Variants in SYT14 observed in about 807,000 individuals in gnomAD.
The protein encoded by SYT14 is synaptotagmin 14, also known as synaptotagmin-14.
A neutral mutation model predicts 74.2 loss-of-function variants in SYT14; 32 were observed. The ratio of observed to expected loss-of-function variants is 0.43; its 90% CI spans 0.33 to 0.58. SYT14 has a LOEUF of 0.58. SYT14 is among the 20% of genes least tolerant of loss of function. The probability of loss-of-function intolerance (pLI) is 0.05; values close to 1 mark genes in which losing one functional copy is unlikely to be tolerated. For missense variants in SYT14, 791 were observed against 981.8 expected, an observed-to-expected ratio of 0.81 and a Z score of 2.60; for synonymous variants, 298 against 337.7, an observed-to-expected ratio of 0.88 and a Z score of 1.29.
chr1:210,000,466 G>GCACACACACACACACACACACACA (rs375046637), intron 2 of SYT14, among the ~76,000 whole-genome samples: 3 of 143,102 alleles, frequency 2.1e-5, no homozygotes, highest in African/African-American at 7.9e-5. Context: ...GTCCTCATAC[G>GCACACACACACACACACACACACA]CACACACACA....
chr1:209,997,776 C>G (rs562467656), intron 2 of SYT14, among the ~76,000 whole-genome samples: 1 of 152,020 alleles, frequency 6.6e-6, no homozygotes, highest in South Asian at 2.1e-4. Context: ...ATGTAACAGG[C>G]CTGTATATGT....
chr1:210,004,735 T>G (rs569336829), intron 2 of SYT14, among the ~76,000 whole-genome samples: 1 of 152,136 alleles, frequency 6.6e-6, no homozygotes, highest in African/African-American at 2.4e-5. Flanking sequence ...GCGATGCTTG[T>G]TCAGAGGTTA....
intron 2 of SYT14, among the ~76,000 whole-genome samples, chr1:210,008,299 T>C (rs745986224): frequency 2.0e-5 from 3 of 152,346 alleles, no homozygotes; most frequent in Admixed American, 2.0e-4. Flanking sequence ...ATTGACTGTA[T>C]TCAACAAATT....
At chr1:210,060,954 A>C (rs534224439) in intron 5 of SYT14, among the ~76,000 whole-genome samples, 86 of 152,070 alleles carry the variant, frequency 5.7e-4, no homozygotes, top group Admixed American at 1.8e-3. Flanking sequence ...TGATTTATCT[A>C]CTCTGTCATC....
At chr1:209,977,772 G>A (rs1272371342) in intron 2 of SYT14, among the ~76,000 whole-genome samples, 1 of 152,198 alleles carries the variant, frequency 6.6e-6, no homozygotes, top group Non-Finnish European at 1.5e-5. Flanking sequence ...GTTTGGGAAA[G>A]TTCTCTTGGA....
At chr1:209,980,044 C>G (rs2079452943) in intron 2 of SYT14, among the ~76,000 whole-genome samples, 1 of 152,218 alleles carries the variant, frequency 6.6e-6, no homozygotes, top group Non-Finnish European at 1.5e-5. Flanking sequence ...TTGTCTTCCA[C>G]AATAGTTGAA....
chr1:209,957,570 G>A (rs375667952), intron 2 of SYT14, among the ~76,000 whole-genome samples: 1 of 152,002 alleles, frequency 6.6e-6, no homozygotes, highest in Non-Finnish European at 1.5e-5. Context: ...GGGATTACAG[G>A]CATGCACCAC....
chr1:210,146,551 C>G (rs577953087), intron 7 of SYT14, among the ~76,000 whole-genome samples: 126 of 151,914 alleles, frequency 8.3e-4, no homozygotes, highest in Non-Finnish European at 1.6e-3. Context: ...GATACAGAGT[C>G]TTTACTATTT....
At chr1:210,105,793 G>A (rs2082146863) in intron 7 of SYT14, among the ~76,000 whole-genome samples, 2 of 152,098 alleles carry the variant, frequency 1.3e-5, no homozygotes, top group Admixed American at 1.3e-4. Context: ...CCGTCCTCAC[G>A]ATAGTAAATT....
chr1:210,027,321 G>A (rs906831563), intron 5 of SYT14, among the ~76,000 whole-genome samples: 3 of 151,692 alleles, frequency 2.0e-5, no homozygotes, highest in Admixed American at 6.6e-5. Flanking sequence ...ATGCCAAGTC[G>A]GGAGGACCAC....
chr1:210,158,457 A>T (rs1553291152), intron 8 of SYT14, among the ~76,000 whole-genome samples: 1 of 152,152 alleles, frequency 6.6e-6, no homozygotes. Flanking sequence ...AATTTACTAC[A>T]TTTTTTTGAC....
chr1:209,993,482 C>A (rs1461394596), intron 2 of SYT14, among the ~76,000 whole-genome samples: 1 of 152,242 alleles, frequency 6.6e-6, no homozygotes, highest in Non-Finnish European at 1.5e-5. Flanking sequence ...CAGCCAAGAT[C>A]TGTGGCCAGC....
chr1:209,960,890 TGA>T (rs904378802), intron 2 of SYT14, among the ~76,000 whole-genome samples: 11 of 152,096 alleles, frequency 7.2e-5, no homozygotes, highest in African/African-American at 2.7e-4. Context: ...GTACAAGGTG[TGA>T]GAGATGAAAA....
At chr1:210,130,664 A>G (rs967564213) in intron 7 of SYT14, among the ~76,000 whole-genome samples, 2 of 152,258 alleles carry the variant, frequency 1.3e-5, no homozygotes, top group African/African-American at 4.8e-5. Flanking sequence ...TGAAAATGAC[A>G]TTAAAAGATT....
chr1:210,114,590 A>C (rs2082323093), intron 7 of SYT14, among the ~76,000 whole-genome samples: 1 of 151,304 alleles, frequency 6.6e-6, no homozygotes, highest in Non-Finnish European at 1.5e-5. Flanking sequence ...GTTGTTGCCA[A>C]ACGGGCCATG....
At chr1:209,978,050 G>T (rs1009254866) in intron 2 of SYT14, among the ~76,000 whole-genome samples, 1 of 152,150 alleles carries the variant, frequency 6.6e-6, no homozygotes, top group Admixed American at 6.5e-5. Context: ...TTGGTTTTCA[G>T]CTCCATCAGG....
At chr1:209,965,760 T>G (rs938628295) in intron 2 of SYT14, 3 of 374,402 alleles carry the variant, frequency 8.0e-6, no homozygotes, top group South Asian at 2.1e-5. Context: ...TCACCTGATA[T>G]GGATATCTAA....
At chr1:209,994,403 A>G (rs1405874088) in intron 2 of SYT14, among the ~76,000 whole-genome samples, 1 of 152,222 alleles carries the variant, frequency 6.6e-6, no homozygotes, top group Non-Finnish European at 1.5e-5. Flanking sequence ...TTAGACTTTG[A>G]AGATTGTTTC....
rs746229674 is a variant in SYT14 at position 210,160,692 on chromosome 1, A to G, written c.2282-37A>G. ...AAAAAATTGTTTTGAGTTTGTTTCA[A>G]ATGATATTTGTGATACGTTGTCTTT... On this transcript the variant is annotated intron_variant, in intron 9 of 9. Transcript: ENST00000637265. 1.3e-5 allele frequency: 21 copies of G among 1,586,646 alleles called. No individual in the cohort carries two copies. The South Asian group carries it at 2.1e-4, about 16-fold the overall frequency.
Sources: allele counts gnomAD v4.1 joint callset (sites outside exome capture counted in the v4.1 genomes callset), GRCh38; gene constraint gnomAD v4.1.1; transcripts MANE v1.5; gene names NCBI Gene and HGNC (gene_info 2026-07-23, HGNC 2026-07-21).